The following VRK2 variants were observed in gnomAD, a reference collection of about 807,000 sequenced individuals.
VRK2 encodes the protein serine/threonine-protein kinase VRK2.
A neutral mutation model predicts 57.6 loss-of-function variants in VRK2; 60 were observed. The ratio of observed to expected loss-of-function variants is 1.04; its 90% confidence interval spans 0.85 to 1.29. The LOEUF (loss-of-function observed/expected upper bound fraction) is 1.29. VRK2 is among the 50% of genes most tolerant of loss of function. The pLI is 0.00. For missense variants in VRK2, 705 were observed against 588.1 expected (o/e 1.20, Z -2.06); for synonymous variants, 231 against 199.2 (o/e 1.16, Z -1.35).
chr2:58,005,666 G>A lies in VRK2; in HGVS notation c.-438-19999G>A, dbSNP rs146174939. Among the ~76,000 whole-genome samples the A allele has an allele frequency of 6.9e-4, 105 of 152,038 alleles. 1 individual carries two copies. In the East Asian group the frequency reaches 0.019, roughly 27 times the overall value. Reference sequence around the variant, plus strand: ...AAAGACATGGAAGAATTATTGAGAGGGTCAGTAAAAACATTCAGTGAGATA... The same window carrying A: ...AAAGACATGGAAGAATTATTGAGAGAGTCAGTAAAAACATTCAGTGAGATA... On this transcript the variant is annotated intron_variant, in intron 1 of 15. Coordinates refer to the VRK2 transcript ENST00000417641.
intron 1 of VRK2, among the ~76,000 whole-genome samples, chr2:58,004,364 G>A (rs566426979): frequency 6.6e-6 from 1 of 152,252 alleles, no homozygotes; most frequent in East Asian, 1.9e-4. Flanking sequence ...GAGTGGTTCA[G>A]TGACTAAGTC....
intron 1 of VRK2, among the ~76,000 whole-genome samples, chr2:57,961,550 A>C (rs925410979): frequency 3.3e-5 from 5 of 151,882 alleles, no homozygotes; most frequent in African/African-American, 7.3e-5. Context: ...CCACCATGCT[A>C]TACTGATCCT....
At chr2:58,116,229 G>A (rs570253304) in intron 7 of VRK2, among the ~76,000 whole-genome samples, 4 of 152,046 alleles carry the variant, frequency 2.6e-5, no homozygotes, top group African/African-American at 7.3e-5. Flanking sequence ...GTGATCGGTC[G>A]CCAAGGAGGG....
At chr2:57,952,364 T>C (rs1671453257) in intron 1 of VRK2, among the ~76,000 whole-genome samples, 1 of 152,112 alleles carries the variant, frequency 6.6e-6, no homozygotes, top group Non-Finnish European at 1.5e-5. Context: ...AAGTAAAATC[T>C]TCCATATTTT....
intron 3 of VRK2, among the ~76,000 whole-genome samples, chr2:58,040,855 G>C (rs1449545270): frequency 6.6e-6 from 1 of 152,224 alleles, no homozygotes; most frequent in African/African-American, 2.4e-5. Flanking sequence ...TAGAAGGTTC[G>C]TTCAAGACCC....
At chr2:57,964,879 C>CAAAAAA (rs540446220) in intron 1 of VRK2, among the ~76,000 whole-genome samples, 5 of 47,866 alleles carry the variant, frequency 1.0e-4, no homozygotes, top group East Asian at 7.4e-4. Context: ...GAATCCATCT[C>CAAAAAA]AAAAAAAAAA....
intron 3 of VRK2, among the ~76,000 whole-genome samples, chr2:58,036,680 T>C (rs528353625): frequency 8.5e-5 from 13 of 152,198 alleles, no homozygotes; most frequent in East Asian, 1.9e-4. Flanking sequence ...GGCTAAAGAA[T>C]AGACCATTCT....
At chr2:58,133,587 A>ATG (rs1262827869) in intron 9 of VRK2, among the ~76,000 whole-genome samples, 2 of 152,212 alleles carry the variant, frequency 1.3e-5, no homozygotes, top group Non-Finnish European at 2.9e-5. Flanking sequence ...TGCTGGATCA[A>ATG]TGTGTGTATT....
rs193241297 is a variant in VRK2 at position 57,974,320 on chromosome 2, T to C, written c.-438-51345T>C. On this transcript the variant is annotated intron_variant, in intron 1 of 15. Transcript: ENST00000417641. The stretch of plus-strand genomic sequence containing the variant: ...AACTTGACAATTAAACAAGATTTAA[T>C]TGATCACAAAAGTCCAACAGATTAA... 7.9e-5 allele frequency among the ~76,000 whole-genome samples: 12 copies of C among 152,042 alleles called. No homozygotes were observed. The East Asian group carries it at 2.3e-3, about 29-fold the overall frequency.
chr2:57,933,183 G>A (rs1323827764), intron 1 of VRK2, among the ~76,000 whole-genome samples: 1 of 151,676 alleles, frequency 6.6e-6, no homozygotes, highest in Non-Finnish European at 1.5e-5. Context: ...TGTCTTTTGG[G>A]TCTAAAGGGT....
intron 2 of VRK2, among the ~76,000 whole-genome samples, chr2:58,028,899 A>ATATATAT (rs1674021434): frequency 1.6e-4 from 13 of 80,854 alleles, no homozygotes; most frequent in African/African-American, 4.9e-4. Context: ...TAAATAAATA[A>ATATATAT]ATAAATATAT....
rs375498639 is a variant in VRK2 at position 57,975,156 on chromosome 2, G to A, written c.-438-50509G>A. On this transcript the variant is annotated intron_variant, in intron 1 of 15. Transcript: ENST00000417641. The stretch of plus-strand genomic sequence containing the variant: ...TTAAAGTAAAATTTGTGAAAACGAT[G>A]TTCTATAATCACAATGAAAAAAAAT... Among the ~76,000 whole-genome samples the A allele has an allele frequency of 3.6e-4, 54 of 151,758 alleles. 1 individual carries two copies. The South Asian group carries it at 0.01, about 29-fold the overall frequency.
intron 1 of VRK2, among the ~76,000 whole-genome samples, chr2:57,993,914 G>T (rs1672847337): frequency 6.6e-6 from 1 of 152,166 alleles, no homozygotes; most frequent in South Asian, 2.1e-4. Flanking sequence ...TTCAAAGAGG[G>T]GAAAGGTCAG....
upstream of VRK2, among the ~76,000 whole-genome samples, chr2:58,046,232 C>A (rs1337045514): frequency 1.3e-5 from 2 of 152,306 alleles, no homozygotes; most frequent in Admixed American, 6.5e-5. Context: ...TATAATCTAA[C>A]AACAAGGGTT....
chr2:57,977,982 CTTTTG>C (rs2104039914), intron 1 of VRK2, among the ~76,000 whole-genome samples: 1 of 151,300 alleles, frequency 6.6e-6, no homozygotes, highest in Admixed American at 6.6e-5. Flanking sequence ...GATCGTGTGA[CTTTTG>C]TTTTTATTTC....
intron 7 of VRK2, among the ~76,000 whole-genome samples, chr2:58,111,369 G>A (rs765711441): frequency 1.3e-5 from 2 of 152,166 alleles, no homozygotes; most frequent in Non-Finnish European, 2.9e-5. Flanking sequence ...TCAAGGTGAA[G>A]GGAAGCAGGT....
chr2:58,017,530 T>C (rs1673623479), intron 1 of VRK2, among the ~76,000 whole-genome samples: 1 of 152,220 alleles, frequency 6.6e-6, no homozygotes, highest in African/African-American at 2.4e-5. Context: ...TGGCCTTCTT[T>C]CCTGTTATCC....
chr2:57,951,087 T>A (rs1476182848), intron 1 of VRK2, among the ~76,000 whole-genome samples: 2 of 151,442 alleles, frequency 1.3e-5, no homozygotes, highest in Non-Finnish European at 2.9e-5. Context: ...CAAGACTCCA[T>A]CTCAAAAAAA....
rs760907612 is a variant in VRK2, at chr2:58,048,864, TC to T, written c.35del (p.Pro12LeufsTer31). 2.9e-5 allele frequency: 47 copies of T among 1,613,840 alleles called. No homozygotes were observed. Among genetic ancestry groups the T allele is most frequent in the Non-Finnish European group, 3.9e-5 (46 of 1,179,920 alleles). ...PPKRNEKYKL[P>X]IPFPEGKVLD... ...CAAAAAGAAATGAAAAATACAAACT[TC>T]CTATTCCATTTCCAGAAGGCAAGGT... On this transcript the variant is annotated frameshift_variant, in exon 2 of 13. Transcript: ENST00000340157. LOFTEE classifies it high-confidence loss of function.
Sources: allele counts gnomAD v4.1 joint callset (sites outside exome capture counted in the v4.1 genomes callset), GRCh38; gene constraint gnomAD v4.1.1; transcripts MANE v1.5; gene names NCBI Gene and HGNC (gene_info 2026-07-23, HGNC 2026-07-21).